TG: variants seen among roughly 807,000 people sequenced by gnomAD.
The protein encoded by TG is thyroid hormones.
Under a neutral mutation model 324.7 loss-of-function variants are expected in TG, and 270 were observed. The observed-to-expected ratio is 0.83, with a 90% confidence interval of 0.75 to 0.92. TG has a LOEUF of 0.92. Ranked by LOEUF, TG falls within the 40% of genes least tolerant of loss-of-function variation. The probability of loss-of-function intolerance (pLI) is 0.00; values close to 1 mark genes in which losing one functional copy is unlikely to be tolerated. For synonymous variants in TG, 1,401 were observed against 1,327.0 expected, an observed-to-expected ratio of 1.06 and a Z score of -1.21; for missense variants, 3,591 against 3,456.4, an observed-to-expected ratio of 1.04 and a Z score of -0.98.
chr8:132,887,015 C>G lies in TG; in HGVS notation c.1643C>G (p.Thr548Ser), dbSNP rs756163251. Residue 548 changes from threonine (T) to serine (S), a missense_variant, in exon 9 of 48, where the codon ACT becomes AGT. Transcript: ENST00000220616. The part of the protein sequence containing the change: ...AKKDGTMNKP[T>S]VGSFGFEINL... ...AAGGATGGTACTATGAATAAGCCAA[C>G]TGTGGGCAGCTTTGGCTTTGAAATT... is the stretch of plus-strand genomic sequence containing the variant. 4 of 1,614,254 alleles carry G rather than the reference C, an allele frequency of 2.5e-6. No homozygotes were observed. Among genetic ancestry groups the G allele is most frequent in the Non-Finnish European group, 3.4e-6 (4 of 1,180,046 alleles).
At chr8:132,900,446 G>A (rs1817751512) in intron 15 of TG, 107 bp downstream of exon 15, 1 of 1,048,388 alleles carries the variant, frequency 9.5e-7, no homozygotes, top group Non-Finnish European at 1.4e-6. Context: ...TTCCATAGCT[G>A]TGGGGGCACA....
At chr8:132,910,246 G>A (rs1420088999) in intron 18 of TG, among the ~76,000 whole-genome samples, 1 of 152,166 alleles carries the variant, frequency 6.6e-6, no homozygotes, top group Non-Finnish European at 1.5e-5. Flanking sequence ...CCTGGGGCTG[G>A]CTTTCAGGGC....
chr8:133,002,950 T>G (rs1833681307), intron 35 of TG: 1 of 1,008,662 alleles, frequency 9.9e-7, no homozygotes. Flanking sequence ...GCCCATTCCC[T>G]TGATGCCTAC....
intron 5 of TG, among the ~76,000 whole-genome samples, chr8:132,873,887 A>C (rs143580411): frequency 5.0e-4 from 76 of 152,270 alleles, no homozygotes; most frequent in African/African-American, 1.7e-3. Flanking sequence ...GAGTAGGCAG[A>C]AGGCCGGGCG....
At chr8:132,882,763 G>A (rs1354335952) in intron 7 of TG, 51 bp from the exon 8 acceptor site, 1 of 1,611,534 alleles carries the variant, frequency 6.2e-7, no homozygotes, top group Admixed American at 1.7e-5. Context: ...ATGCTGTGAA[G>A]ACACCAAGCA....
At chr8:132,884,462 T>C (rs550943511) in intron 8 of TG, among the ~76,000 whole-genome samples, 1 of 152,348 alleles carries the variant, frequency 6.6e-6, no homozygotes, top group African/African-American at 2.4e-5. Context: ...CAGGGTTTTT[T>C]ATAGCTTCAA....
At chr8:132,960,610 C>G (rs1016190273) in intron 27 of TG, among the ~76,000 whole-genome samples, 1 of 152,238 alleles carries the variant, frequency 6.6e-6, no homozygotes, top group South Asian at 2.1e-4. Flanking sequence ...TATTCCCATT[C>G]TCAAAATCGC....
chr8:132,907,501 C>T (rs998467935), intron 17 of TG, among the ~76,000 whole-genome samples: 43 of 152,090 alleles, frequency 2.8e-4, no homozygotes, highest in African/African-American at 8.7e-4. Flanking sequence ...TTGGTCCACC[C>T]GGTGCAGTGG....
intron 27 of TG, among the ~76,000 whole-genome samples, chr8:132,955,538 G>A (rs769390771): frequency 3.9e-5 from 6 of 152,222 alleles, no homozygotes; most frequent in African/African-American, 7.2e-5. Context: ...CAGCATAGGA[G>A]TGACACTGTG....
At chr8:132,952,541 C>A (rs28640053) in intron 27 of TG, among the ~76,000 whole-genome samples, 44,301 of 151,998 alleles carry the variant, frequency 0.29, 8,355 homozygotes, top group African/African-American at 0.53. Context: ...GTGCAGACAC[C>A]TGCTTTCGTT....
At chr8:132,930,138 T>C (rs916604268) in intron 23 of TG, among the ~76,000 whole-genome samples, 12 of 152,206 alleles carry the variant, frequency 7.9e-5, no homozygotes, top group Non-Finnish European at 1.5e-4. Context: ...ATATCAGCTT[T>C]GGTTATGGTG....
At chr8:133,095,545 G>A (rs1201459618) in intron 42 of TG, among the ~76,000 whole-genome samples, 5 of 152,214 alleles carry the variant, frequency 3.3e-5, no homozygotes, top group African/African-American at 1.2e-4. Flanking sequence ...GTGGTGGGCA[G>A]GGGACCAAAC....
chr8:132,898,092 G>T, intron 12 of TG, 77 bp from the exon 13 acceptor site: 5 of 1,399,162 alleles, frequency 3.6e-6, no homozygotes, highest in Non-Finnish European at 5.0e-6. Flanking sequence ...GAGTGAAGAA[G>T]GAAAGTTGTT....
At chr8:132,987,367 A>ATGTGTT (rs1831702585) in intron 35 of TG, among the ~76,000 whole-genome samples, 1 of 152,128 alleles carries the variant, frequency 6.6e-6, no homozygotes, top group Admixed American at 6.5e-5. Context: ...ATGTGTCTAT[A>ATGTGTT]TGTGTATGTG....
chr8:132,919,651 G>A, intron 21 of TG, 126 bp downstream of exon 21: 5 of 1,340,852 alleles, frequency 3.7e-6, no homozygotes, highest in Non-Finnish European at 5.3e-6. Flanking sequence ...GTTGGCCTGT[G>A]CTTGGTAGGA....
intron 10 of TG, among the ~76,000 whole-genome samples, chr8:132,892,605 A>G (rs894419415): frequency 2.6e-5 from 4 of 152,188 alleles, no homozygotes; most frequent in Non-Finnish European, 5.9e-5. Flanking sequence ...GCTGCTGCGA[A>G]GAAAACAGCT....
chr8:133,095,236 G>T, intron 42 of TG, 28 bp downstream of exon 42: 1 of 1,614,154 alleles, frequency 6.2e-7, no homozygotes, highest in South Asian at 1.1e-5. Context: ...AGTTGGGAAG[G>T]GACATTCTCT....
chr8:133,100,322 A>G (rs992883057), intron 43 of TG, among the ~76,000 whole-genome samples: 11 of 152,122 alleles, frequency 7.2e-5, no homozygotes, highest in African/African-American at 2.7e-4. Flanking sequence ...CCTACATCCT[A>G]CACCCTACCC....
intron 38 of TG, among the ~76,000 whole-genome samples, chr8:133,018,618 A>G (rs1418817471): frequency 6.6e-6 from 1 of 152,120 alleles, no homozygotes; most frequent in African/African-American, 2.4e-5. Flanking sequence ...ATACCACTTT[A>G]AATAGCAAGC....
Sources: allele counts gnomAD v4.1 joint callset (sites outside exome capture counted in the v4.1 genomes callset), GRCh38; gene constraint gnomAD v4.1.1; transcripts MANE v1.5; gene names NCBI Gene and HGNC (gene_info 2026-07-23, HGNC 2026-07-21).